NLRP5: variants seen among roughly 807,000 people sequenced by gnomAD.
NLRP5 encodes the protein NACHT, LRR and PYD domains-containing protein 5.
Under a neutral mutation model 113.1 loss-of-function variants are expected in NLRP5, and 93 were observed. The ratio of observed to expected loss-of-function variants is 0.82; its 90% confidence interval spans 0.70 to 0.98. The LOEUF is 0.98. Among genes scored for constraint, NLRP5 ranks in the 50% least tolerant of loss-of-function variants. The pLI, the probability that NLRP5 is intolerant of heterozygous loss-of-function variation, is 0.00. For missense variants in NLRP5, 1,808 were observed against 1,514.3 expected (o/e 1.19, Z -3.22); for synonymous variants, 751 against 600.7 (o/e 1.25, Z -3.66).
chr19:56,048,559 T>C (rs1983810513), intron 11 of NLRP5, among the ~76,000 whole-genome samples: 1 of 152,176 alleles, frequency 6.6e-6, no homozygotes. Context: ...AAATCCCTTC[T>C]GGCTTGCAGG....
rs963767128 is a variant in NLRP5, at chr19:56,050,364, G to A, written c.2958-54G>A. 3.2e-6 allele frequency: 5 copies of A among 1,551,774 alleles called. No individual in the cohort carries two copies. In the African/African-American group the frequency reaches 4.1e-5, roughly 13 times the overall value. On this transcript the variant is annotated intron_variant, in intron 11 of 14. Transcript: ENST00000390649. ...GGAGGAGAGCAGCAGCTCACTTGAG[G>A]CCATGCTGGGGAATGAGCATCACGA...
At chr19:56,000,921 G>A (rs139349410) in intron 1 of NLRP5, among the ~76,000 whole-genome samples, 2 of 151,770 alleles carry the variant, frequency 1.3e-5, no homozygotes, top group East Asian at 2.0e-4. Flanking sequence ...CAGGAGAATC[G>A]ATTGAACCCA....
rs200417782 is a variant in NLRP5, at chr19:56,027,776, G to A, written c.1543G>A (p.Val515Met). ...GTTTCATCAGCTCACCCCTCGAGGC[G>A]TGGTCCGGCGCTGTCTCAATCTGGA... The change falls in exon 7 of 15, where the codon GTG becomes ATG. Residue 515 changes from valine to methionine, a missense_variant. Val to Met is a conservative substitution (Grantham distance 21). Coordinates refer to ENST00000390649, the MANE Select transcript of NLRP5 (RefSeq NM_153447.4). The A allele has an allele frequency of 2.2e-4, 355 of 1,613,864 alleles. 1 individual carries two copies. The highest frequency in any genetic ancestry group is 3.3e-4 in the Middle Eastern group (2 of 6,084).
intron 3 of NLRP5, among the ~76,000 whole-genome samples, chr19:56,014,079 G>T (rs571607113): frequency 6.6e-6 from 1 of 152,194 alleles, no homozygotes; most frequent in Non-Finnish European, 1.5e-5. Flanking sequence ...TCTCTGAGTT[G>T]TCTTTTCACA....
rs375925698 is a variant in NLRP5 at position 56,055,529 on chromosome 19, TTC to T, written c.3299+1725_3299+1726del. On this transcript the variant is annotated intron_variant, in intron 13 of 14. Transcript: ENST00000390649. Reference sequence around the variant, plus strand: ...TTTTAGCTCCATGTTCTATTTTTCTTTCTCTGTCTTTTTTTTTTTTTTTTTTT... The same window carrying T: ...TTTTAGCTCCATGTTCTATTTTTCTTTCTGTCTTTTTTTTTTTTTTTTTTT... 2.5e-3 allele frequency among the ~76,000 whole-genome samples: 307 copies of T among 122,266 alleles called. 2 individuals carry two copies. Among genetic ancestry groups the T allele is most frequent in the Middle Eastern group, 0.012 (3 of 242 alleles). The allele number at this position is 122,266 out of a possible 152,430, so 80.2% of individuals were successfully genotyped here. A position where few individuals can be genotyped will look rare whatever the true frequency, so the allele number is the denominator to read the frequency against.
chr19:56,030,923 A>C (rs969930497), intron 7 of NLRP5, among the ~76,000 whole-genome samples: 1 of 151,750 alleles, frequency 6.6e-6, no homozygotes, highest in African/African-American at 2.4e-5. Context: ...CATATTGGCC[A>C]GGCTGGTCTT....
chr19:55,996,338 A>T (rs1266402040), upstream of NLRP5, among the ~76,000 whole-genome samples: 1 of 151,354 alleles, frequency 6.6e-6, no homozygotes. Context: ...GGGATGTTGA[A>T]TTTTTTTTTC....
intron 6 of NLRP5, among the ~76,000 whole-genome samples, chr19:56,024,257 C>T (rs567062805): frequency 1.7e-4 from 26 of 149,296 alleles, no homozygotes; most frequent in Admixed American, 6.7e-5. Flanking sequence ...AACCCGAGCA[C>T]TTGGGAGGCT....
chr19:56,008,156 C>T (rs1424449699), intron 2 of NLRP5, among the ~76,000 whole-genome samples: 1 of 151,516 alleles, frequency 6.6e-6, no homozygotes, highest in East Asian at 1.9e-4. Context: ...TCTCGATCTC[C>T]TGACCTCGTG....
chr19:55,996,431 C>T (rs568454509), upstream of NLRP5, among the ~76,000 whole-genome samples: 3 of 151,898 alleles, frequency 2.0e-5, no homozygotes, highest in Non-Finnish European at 4.4e-5. Flanking sequence ...ATACATGTGC[C>T]CTGTTGGTGT....
intron 2 of NLRP5, among the ~76,000 whole-genome samples, chr19:56,006,380 A>T (rs1479752161): frequency 6.6e-6 from 1 of 152,144 alleles, no homozygotes. Context: ...CATATGTAAC[A>T]AACCTGCACA....
chr19:56,034,949 T>G (rs1332564794), intron 9 of NLRP5, among the ~76,000 whole-genome samples: 9 of 152,178 alleles, frequency 5.9e-5, no homozygotes, highest in Admixed American at 5.9e-4. Context: ...TATAGTTTTC[T>G]TTTCTTTTTG....
chr19:56,023,504 G>A (rs1187578072), intron 6 of NLRP5, among the ~76,000 whole-genome samples: 6 of 152,174 alleles, frequency 3.9e-5, no homozygotes, highest in Admixed American at 2.0e-4. Context: ...AGCGAAATCC[G>A]AATTTGCTAC....
intron 2 of NLRP5, among the ~76,000 whole-genome samples, chr19:56,008,014 C>T (rs1175814691): frequency 3.8e-5 from 5 of 132,980 alleles, no homozygotes; most frequent in Admixed American, 7.9e-5. Context: ...CTGCAAACTC[C>T]GCCTCCCGGG....
intron 2 of NLRP5, among the ~76,000 whole-genome samples, chr19:56,006,741 A>AT (rs1981929070): frequency 6.6e-6 from 1 of 150,884 alleles, no homozygotes; most frequent in African/African-American, 2.4e-5. Context: ...TTAAAATAAA[A>AT]ATTTTTTTTT....
At chr19:56,009,224 C>T (rs918521658) in intron 3 of NLRP5, among the ~76,000 whole-genome samples, 16 of 150,450 alleles carry the variant, frequency 1.1e-4, no homozygotes, top group African/African-American at 3.7e-4. Flanking sequence ...CCTGTAATCC[C>T]AGCTACTTGG....
intron 3 of NLRP5, among the ~76,000 whole-genome samples, chr19:56,013,595 G>GTTTTTTTTTTTTTTT (rs1418924718): frequency 9.7e-5 from 3 of 30,980 alleles, no homozygotes; most frequent in African/African-American, 1.9e-4. Context: ...TGGACATTTG[G>GTTTTTTTTTTTTTTT]GTTTTTTTTT....
chr19:56,053,770 G>C lies in NLRP5; in HGVS notation c.3261G>C (p.Glu1087Asp). ...ACGGTGGGGTTGCTGCGCTGTGCGA[G>C]GGACTGAAGCAAAAGAACAGTGTTC... Residue 1087 changes from glutamate (E) to aspartate (D), a missense_variant, in exon 13 of 15, where the codon GAG becomes GAC. Coordinates refer to ENST00000390649, the MANE Select transcript of NLRP5 (RefSeq NM_153447.4). 6.2e-7 allele frequency: 1 copy of C among 1,613,948 alleles called. No homozygotes were observed. Among genetic ancestry groups the C allele is most frequent in the Non-Finnish European group, 8.5e-7 (1 of 1,179,876 alleles).
intron 3 of NLRP5, among the ~76,000 whole-genome samples, chr19:56,014,416 G>T (rs1029748369): frequency 6.6e-6 from 1 of 151,124 alleles, no homozygotes; most frequent in African/African-American, 2.4e-5. Context: ...GGAGGTGGAG[G>T]TTCCAGTGAA....
Sources: gnomAD v4.1 joint callset for allele counts (sites outside exome capture counted in the v4.1 genomes callset) on GRCh38, gnomAD v4.1.1 for gene constraint, MANE v1.5 for transcripts, NCBI Gene and HGNC (gene_info 2026-07-23, HGNC 2026-07-21) for gene names.